SLC71A2: variants seen among roughly 807,000 people sequenced by gnomAD.
SLC71A2 encodes solute carrier family 71 member 2.
chr9:94,401,384 G>A, the SLC71A2 span, among the ~76,000 whole-genome samples: 2 of 152,122 alleles, frequency 1.3e-5, no homozygotes, highest in African/African-American at 4.8e-5. Flanking sequence ...GTGTTGGCCA[G>A]GCTGGTCTTG....
chr9:94,377,533 CTTTTTTT>C, the SLC71A2 span, among the ~76,000 whole-genome samples: 3 of 107,752 alleles, frequency 2.8e-5, no homozygotes, highest in Admixed American at 1.8e-4. Context: ...CCATGCCTGG[CTTTTTTT>C]TTTTTTTTTT....
chr9:94,377,206 A>C, the SLC71A2 span, among the ~76,000 whole-genome samples: 1 of 151,728 alleles, frequency 6.6e-6, no homozygotes, highest in African/African-American at 2.4e-5. Flanking sequence ...TGCAGTTTCT[A>C]ATGTCACCTC....
the SLC71A2 span, chr9:94,441,185 C>G: frequency 3.0e-6 from 2 of 660,202 alleles, no homozygotes; most frequent in Admixed American, 5.7e-5. Flanking sequence ...GTTTATTAGT[C>G]CTTTCTTGCA....
At chr9:94,417,093 G>A in the SLC71A2 span, among the ~76,000 whole-genome samples, 1 of 151,876 alleles carries the variant, frequency 6.6e-6, no homozygotes, top group South Asian at 2.1e-4. Context: ...GGATATAGTC[G>A]GTGCTTAATA....
At chr9:94,413,595 C>T in the SLC71A2 span, among the ~76,000 whole-genome samples, 3 of 136,372 alleles carry the variant, frequency 2.2e-5, no homozygotes, top group Non-Finnish European at 4.6e-5. Flanking sequence ...AATCCCAGCA[C>T]TTTGCAGTAA....
the SLC71A2 span, among the ~76,000 whole-genome samples, chr9:94,379,089 C>CTTTTTTTTTTTTTTTT: frequency 2.3e-4 from 19 of 84,092 alleles, no homozygotes; most frequent in African/African-American, 6.8e-4. Context: ...TGTGCATTTC[C>CTTTTTTTTTTTTTTTT]TTTTTTTTTT....
chr9:94,440,897 G>A, the SLC71A2 span: 10 of 723,002 alleles, frequency 1.4e-5, no homozygotes, highest in East Asian at 2.6e-5. Flanking sequence ...TTCTTGGTGC[G>A]TAATCTTTAC....
the SLC71A2 span, among the ~76,000 whole-genome samples, chr9:94,451,162 A>G: frequency 0.1 from 15,732 of 152,222 alleles, 1,461 homozygotes; most frequent in East Asian, 0.35. Flanking sequence ...ATTACTTGAT[A>G]CCATATTTAT....
At chr9:94,451,668 C>T in the SLC71A2 span, 1 of 473,450 alleles carries the variant, frequency 2.1e-6, no homozygotes, top group East Asian at 3.4e-5. Flanking sequence ...ATGGTAAGGT[C>T]TTGCAAGCTA....
the SLC71A2 span, among the ~76,000 whole-genome samples, chr9:94,414,668 T>C: frequency 6.6e-6 from 1 of 152,134 alleles, no homozygotes; most frequent in Non-Finnish European, 1.5e-5. Context: ...CTATAATCTT[T>C]TTTTCTTTCA....
At chr9:94,445,654 T>C in the SLC71A2 span, among the ~76,000 whole-genome samples, 20 of 152,230 alleles carry the variant, frequency 1.3e-4, no homozygotes, top group Admixed American at 1.0e-3. Flanking sequence ...CTCCCTCCCT[T>C]TCCTCTCCTT....
At chr9:94,450,781 A>C in the SLC71A2 span, among the ~76,000 whole-genome samples, 1 of 152,100 alleles carries the variant, frequency 6.6e-6, no homozygotes, top group African/African-American at 2.4e-5. Context: ...GAGCCACTGC[A>C]CCTAGCCCCA....
the SLC71A2 span, among the ~76,000 whole-genome samples, chr9:94,442,212 C>T: frequency 1.3e-5 from 2 of 152,134 alleles, no homozygotes; most frequent in Non-Finnish European, 2.9e-5. Flanking sequence ...AATCTACTTC[C>T]TGGAGTAGAG....
chr9:94,443,495 T>C, the SLC71A2 span, among the ~76,000 whole-genome samples: 2 of 152,168 alleles, frequency 1.3e-5, no homozygotes, highest in East Asian at 1.9e-4. Context: ...GGTAATTCTT[T>C]CAGGGCTACG....
the SLC71A2 span, among the ~76,000 whole-genome samples, chr9:94,445,763 C>A: frequency 6.6e-6 from 1 of 151,634 alleles, no homozygotes; most frequent in Non-Finnish European, 1.5e-5. Flanking sequence ...TGAAATTGTT[C>A]TTGGGGAAAA....
chr9:94,445,134 G>A, the SLC71A2 span: 15 of 1,613,908 alleles, frequency 9.3e-6, no homozygotes, highest in Admixed American at 1.7e-5. Context: ...AAATGAGACC[G>A]GTTTCCTGGG....
the SLC71A2 span, among the ~76,000 whole-genome samples, chr9:94,452,638 T>TATATATATTCATATATATTC: frequency 6.0e-5 from 7 of 115,720 alleles, no homozygotes; most frequent in South Asian, 1.1e-3. Context: ...TATATTTTCA[T>TATATATATTCATATATATTC]ATATATATTC....
chr9:94,453,369 C>T, the SLC71A2 span, among the ~76,000 whole-genome samples: 2 of 152,024 alleles, frequency 1.3e-5, no homozygotes, highest in African/African-American at 2.4e-5. Flanking sequence ...AGGCTGGTCT[C>T]GAACTCCTGA....
the SLC71A2 span, among the ~76,000 whole-genome samples, chr9:94,427,997 C>G: frequency 1.3e-5 from 2 of 151,934 alleles, no homozygotes; most frequent in South Asian, 2.1e-4. Flanking sequence ...TGGCAGGTTC[C>G]TGTAGTCCCA....
Sources: gnomAD v4.1 joint callset for allele counts (sites outside exome capture counted in the v4.1 genomes callset) on GRCh38, gnomAD v4.1.1 for gene constraint, MANE v1.5 for transcripts, NCBI Gene and HGNC (gene_info 2026-07-23, HGNC 2026-07-21) for gene names.